PARP1: variants seen among roughly 807,000 people sequenced by gnomAD.
PARP1 encodes poly(ADP-ribose) polymerase 1.
A neutral mutation model predicts 118.7 loss-of-function variants in PARP1; 44 were observed. The ratio of observed to expected loss-of-function variants is 0.37; its 90% CI spans 0.29 to 0.48. The LOEUF is 0.48. PARP1 is among the 20% of genes least tolerant of loss of function. The probability of loss-of-function intolerance (pLI) is 0.99; values close to 1 mark genes in which losing one functional copy is unlikely to be tolerated. For missense variants in PARP1, 1,100 were observed against 1,272.4 expected, an observed-to-expected ratio of 0.86 and a Z score of 2.06; for synonymous variants, 492 against 483.2, an observed-to-expected ratio of 1.02 and a Z score of -0.24.
chr1:226,405,323 G>C (rs1450855486), intron 1 of PARP1, among the ~76,000 whole-genome samples: 1 of 151,714 alleles, frequency 6.6e-6, no homozygotes, highest in Non-Finnish European at 1.5e-5. Flanking sequence ...ACAGGGTCTG[G>C]GTCTGGGTCT....
rs142025196 is a variant in PARP1 at position 226,407,815 on chromosome 1, C to T, written c.115G>A (p.Val39Met). ...GCCCGCACAGCGGCCCGCACCTGCA[C>T]CATGATGGCCATCCGGAGCGAGTCC... is the stretch of plus-strand genomic sequence containing the variant. ...PKDSLRMAIM[V>M]QSPMFDGKVP... The change falls in exon 1 of 23, where the codon GTG becomes ATG. Residue 39 changes from valine (V) to methionine (M), a missense_variant. Around this residue, in one of 2 missense-constraint regions of PARP1, gnomAD observed 948 missense variants for 1,031.8 expected, o/e 0.92. Coordinates refer to ENST00000366794, the MANE Select transcript of PARP1 (RefSeq NM_001618.4). The T allele has an allele frequency of 8.1e-5, 128 of 1,571,118 alleles. 1 individual carries two copies. In the Middle Eastern group the frequency reaches 1.0e-3, roughly 12 times the overall value.
intron 17 of PARP1, 25 bp from the exon 18 acceptor site, chr1:226,366,077 A>G (rs1183917291): frequency 6.8e-7 from 1 of 1,481,378 alleles, no homozygotes; most frequent in Admixed American, 1.7e-5. Flanking sequence ...TCTTGGGATT[A>G]GCACAAAAGA....
chr1:226,407,232 T>C (rs144451118), intron 1 of PARP1, among the ~76,000 whole-genome samples: 1 of 152,256 alleles, frequency 6.6e-6, no homozygotes, highest in East Asian at 1.9e-4. Flanking sequence ...GGGGAAAATG[T>C]TACTTTAAAG....
Position 226,379,442 on chromosome 1 carries a change from G to A in PARP1, c.1612+131C>T, listed in dbSNP as rs1011533837. The A allele has an allele frequency of 6.4e-5, 73 of 1,145,612 alleles. No individual in the cohort carries two copies. In the African/African-American group the frequency reaches 9.4e-4, roughly 15 times the overall value. The allele number at this position is 1,145,612 out of a possible 1,614,324, so 71.0% of individuals were successfully genotyped here. ...CTCAGGACTGGGGGAGCTGGTGAAG[G>A]AGGCCTGAGTGAGGACAAAGGCACG... On this transcript the variant is annotated intron_variant, in intron 11 of 22. Coordinates refer to ENST00000366794, the MANE Select transcript of PARP1 (RefSeq NM_001618.4).
chr1:226,378,406 T>TA (rs555462858), intron 12 of PARP1, among the ~76,000 whole-genome samples: 25,070 of 144,062 alleles, frequency 0.17, 2,548 homozygotes, highest in South Asian at 0.26. Flanking sequence ...CTCACCATGT[T>TA]AAAAAAAAAA....
chr1:226,385,217 G>T (rs1201792470), intron 7 of PARP1, among the ~76,000 whole-genome samples: 1 of 152,234 alleles, frequency 6.6e-6, no homozygotes, highest in Admixed American at 6.5e-5. Flanking sequence ...GCCTAGAACT[G>T]TGCCTGGCAC....
intron 14 of PARP1, among the ~76,000 whole-genome samples, chr1:226,371,509 C>A (rs1664381860): frequency 6.6e-6 from 1 of 152,178 alleles, no homozygotes; most frequent in Non-Finnish European, 1.5e-5. Context: ...ATCCACAAGC[C>A]CTGGCATGGG....
intron 1 of PARP1, among the ~76,000 whole-genome samples, chr1:226,405,533 T>A (rs1665130477): frequency 6.6e-6 from 1 of 152,158 alleles, no homozygotes; most frequent in Non-Finnish European, 1.5e-5. Context: ...CTCAAACTGC[T>A]GAGCTTAAGT....
At chr1:226,397,710 C>T (rs1226907236) in intron 2 of PARP1, among the ~76,000 whole-genome samples, 1 of 152,172 alleles carries the variant, frequency 6.6e-6, no homozygotes, top group African/African-American at 2.4e-5. Context: ...TTCTCCTCTG[C>T]CTTCTGCCAT....
rs867034659 is a variant in PARP1 at position 226,360,859 on chromosome 1, G to A, written c.*601C>T. The A allele has an allele frequency of 8.8e-6, 2 of 228,026 alleles. No homozygotes were observed. The highest frequency in any genetic ancestry group is 1.7e-5 in the Non-Finnish European group (2 of 114,872). 14.1% of individuals were successfully genotyped at this position (228,026 alleles called of 1,614,324 possible). ...AAGAGCTCCCATGTTCAGTATTCCTGGAGAAGGAAAGCTCTTTTTGTTTCT... is the reference window on the plus strand; with the variant it reads ...AAGAGCTCCCATGTTCAGTATTCCTAGAGAAGGAAAGCTCTTTTTGTTTCT... On this transcript the variant is annotated 3_prime_UTR_variant, in exon 23 of 23. Transcript: ENST00000366794.
chr1:226,393,455 C>A (rs892148996), intron 2 of PARP1, among the ~76,000 whole-genome samples: 6 of 152,188 alleles, frequency 3.9e-5, no homozygotes, highest in Non-Finnish European at 7.3e-5. Context: ...TAGCCCCAAA[C>A]TGGCAACAAC....
chr1:226,362,381 T>C, intron 21 of PARP1: 1 of 380,098 alleles, frequency 2.6e-6, no homozygotes, highest in South Asian at 2.3e-5. Flanking sequence ...AGACAGGGTT[T>C]CACCATGTTG....
rs1664356034 is a variant in PARP1, at chr1:226,370,371, G to C, written c.2154+63C>G. 2.5e-6 allele frequency: 3 copies of C among 1,181,474 alleles called. No individual in the cohort carries two copies. The Admixed American group carries it at 5.0e-5, about 20-fold the overall frequency. 73.2% of individuals were successfully genotyped at this position (1,181,474 alleles called of 1,614,324 possible). A position where few individuals can be genotyped will look rare whatever the true frequency, so the allele number is the denominator to read the frequency against. On this transcript the variant is annotated intron_variant, in intron 15 of 22. Coordinates refer to ENST00000366794, the MANE Select transcript of PARP1 (RefSeq NM_001618.4). ...GTAAATGTTACCCCTGCCACCCCCA[G>C]GTCTCACCCCCTAAGTCGGCCAGAG...
intron 14 of PARP1, among the ~76,000 whole-genome samples, chr1:226,373,551 A>G (rs1295371918): frequency 6.6e-6 from 1 of 152,268 alleles, no homozygotes; most frequent in East Asian, 1.9e-4. Context: ...TGAGAAGGAG[A>G]ACAGACAGGA....
intron 7 of PARP1, among the ~76,000 whole-genome samples, chr1:226,383,990 A>G (rs1664670086): frequency 6.6e-6 from 1 of 152,214 alleles, no homozygotes; most frequent in Non-Finnish European, 1.5e-5. Context: ...CTCTTCAGAA[A>G]GTATCTCATT....
intron 15 of PARP1, among the ~76,000 whole-genome samples, chr1:226,370,189 T>C (rs377257955): frequency 7.9e-5 from 12 of 152,284 alleles, no homozygotes; most frequent in African/African-American, 2.9e-4. Flanking sequence ...TTCAAGTTTA[T>C]GGTCAGTTTA....
chr1:226,407,993 C>T lies in PARP1; in HGVS notation c.-64G>A. 6.2e-7 allele frequency: 1 copy of T among 1,602,952 alleles called. No homozygotes were observed. The highest frequency in any genetic ancestry group is 1.1e-5 in the South Asian group (1 of 90,448). On this transcript the variant is annotated 5_prime_UTR_variant, in exon 1 of 23. Transcript: ENST00000366794. ...CCACGACCTAGAAACACGCTGCCGC[C>T]TCGCCGCCTCGCGTGCGCTCACCCA...
chr1:226,392,278 T>C lies in PARP1; in HGVS notation c.323A>G (p.Lys108Arg), dbSNP rs748845700. 6.2e-7 allele frequency: 1 copy of C among 1,614,102 alleles called. No homozygotes were observed. Among genetic ancestry groups the C allele is most frequent in the Admixed American group, 1.7e-5 (1 of 60,018 alleles). The change falls in exon 3 of 23, where the codon AAG becomes AGG. Residue 108 changes from lysine to arginine, a missense_variant. Physicochemically the swap from Lys to Arg is conservative, Grantham distance 26. This residue lies in a region of PARP1 where 948 missense variants were observed against 1,031.8 expected (regional missense o/e 0.92). Transcript: ENST00000366794. ...CTCTGCTGCAAAGTCACCCAGAGTC[T>C]TCTCTGCCTTGCTACCAATTCCATC... Reference protein sequence around the residue: ...GQDGIGSKAEKTLGDFAAEYA... With the variant: ...GQDGIGSKAERTLGDFAAEYA...
chr1:226,386,688 G>A (rs964448916), intron 5 of PARP1, among the ~76,000 whole-genome samples: 5 of 152,082 alleles, frequency 3.3e-5, no homozygotes, highest in Non-Finnish European at 7.4e-5. Flanking sequence ...TAAGGGTGTG[G>A]GGGAGACTGC....
Sources: gnomAD v4.1 joint callset for allele counts (sites outside exome capture counted in the v4.1 genomes callset) on GRCh38, gnomAD v4.1.1 for gene constraint, gnomAD v4.1.1 regional missense constraint, MANE v1.5 for transcripts, NCBI Gene and HGNC (gene_info 2026-07-23, HGNC 2026-07-21) for gene names.